Variants in POLA1 observed in about 807,000 individuals in gnomAD.
POLA1 encodes DNA polymerase alpha catalytic subunit.
A neutral mutation model predicts 124.0 loss-of-function variants in POLA1; 15 were observed. The ratio of observed to expected loss-of-function variants is 0.12; its 90% CI spans 0.08 to 0.19. POLA1 has a LOEUF of 0.19. Ranked by LOEUF, POLA1 falls within the 10% of genes least tolerant of loss-of-function variation. The pLI is 1.00. For synonymous variants in POLA1, 408 were observed against 389.4 expected, an observed-to-expected ratio of 1.05 and a Z score of -0.56; for missense variants, 886 against 1,103.4, an observed-to-expected ratio of 0.80 and a Z score of 2.79.
chrX:24,742,333 A>G (rs1416130320), intron 22 of POLA1, among the ~76,000 whole-genome samples: 2 of 112,413 alleles, frequency 1.8e-5, no homozygotes, highest in Non-Finnish European at 1.9e-5. Flanking sequence ...TGCAGACAAA[A>G]TTATTTGTGA....
At chrX:24,825,198 C>CT (rs1218583440) in intron 31 of POLA1, among the ~76,000 whole-genome samples, 2 of 112,482 alleles carry the variant, frequency 1.8e-5, no homozygotes, top group Admixed American at 1.9e-4. Flanking sequence ...TGCCTAATTC[C>CT]TTTTACTATG....
intron 34 of POLA1, among the ~76,000 whole-genome samples, chrX:24,845,730 T>C (rs1205637250): frequency 8.9e-6 from 1 of 112,235 alleles, no homozygotes; most frequent in Admixed American, 9.5e-5. Flanking sequence ...ATAGTAAGTA[T>C]TGAGGTTAAG....
chrX:24,745,351 TTAA>T (rs1931944252), intron 23 of POLA1, 64 bp from the exon 24 acceptor site: 1 of 813,938 alleles, frequency 1.2e-6, no homozygotes, highest in Non-Finnish European at 1.8e-6. Context: ...TACAGTGCTT[TTAA>T]TAATGATGTT....
intron 26 of POLA1, among the ~76,000 whole-genome samples, chrX:24,767,201 A>G (rs1057288247): frequency 1.2e-4 from 14 of 112,342 alleles, no homozygotes; most frequent in African/African-American, 4.5e-4. Flanking sequence ...TTTGCTGATA[A>G]ATTGAATCAC....
At chrX:24,984,654 C>CTTT (rs72426448) in intron 36 of POLA1, among the ~76,000 whole-genome samples, 1,080 of 78,674 alleles carry the variant, frequency 0.014, 40 homozygotes, top group African/African-American at 0.05. Flanking sequence ...ACCTTTTGCA[C>CTTT]TTTTTTTTTT....
intron 36 of POLA1, among the ~76,000 whole-genome samples, chrX:24,965,558 A>C (rs776193419): frequency 4.5e-5 from 5 of 112,196 alleles, no homozygotes; most frequent in Admixed American, 9.5e-5. Context: ...TGACAAATGA[A>C]TGAATGGATA....
chrX:24,949,847 G>A (rs928622399), intron 36 of POLA1, among the ~76,000 whole-genome samples: 37 of 107,727 alleles, frequency 3.4e-4, no homozygotes, highest in Non-Finnish European at 6.9e-4. Flanking sequence ...CGATTCTCCT[G>A]CCTCAGCCTC....
At chrX:24,712,438 C>T (rs932333763) in intron 4 of POLA1, among the ~76,000 whole-genome samples, 1 of 112,214 alleles carries the variant, frequency 8.9e-6, no homozygotes, top group Non-Finnish European at 1.9e-5. Flanking sequence ...TAAAACGTAA[C>T]TATTTATATA....
In POLA1 at chrX:24,702,149, A is replaced by G. The variant is rs534099328; in HGVS notation, c.169-1102A>G. Among the ~76,000 whole-genome samples the G allele has an allele frequency of 1.1e-4, 12 of 106,595 alleles. No individual in the cohort carries two copies. The South Asian group carries it at 4.6e-3, about 41-fold the overall frequency. 92.6% of individuals were successfully genotyped at this position (106,595 alleles called of 115,157 possible). A position where few individuals can be genotyped will look rare whatever the true frequency, so the allele number is the denominator to read the frequency against. On this transcript the variant is annotated intron_variant, in intron 2 of 36. Coordinates refer to ENST00000379068, the MANE Select transcript of POLA1 (RefSeq NM_001330360.2). ...GATCTCGGCTCACTGCATCACTGCA[A>G]CCTCCACCTCCCGGGTTCAAGTGAT...
In POLA1 at chrX:24,737,746, TA is replaced by T; in HGVS notation, c.2040+7del. ...TCCAACATGCCAAAGCTTGGGGTAA[TA>T]ATAATTTTCAAAATCTTATTTATCT... On this transcript the variant is annotated splice_donor_region_variant and intron_variant, in intron 19 of 36. Coordinates refer to ENST00000379068, the MANE Select transcript of POLA1 (RefSeq NM_001330360.2). 1 of 954,456 alleles carries T rather than the reference TA, an allele frequency of 1.0e-6. No individual in the cohort carries two copies. The highest frequency in any genetic ancestry group is 1.5e-6 in the Non-Finnish European group (1 of 676,267). The allele number at this position is 954,456 out of a possible 1,213,427, so 78.7% of individuals were successfully genotyped here. A position where few individuals can be genotyped will look rare whatever the true frequency, so the allele number is the denominator to read the frequency against.
At chrX:24,828,073 G>A (rs896126377) in intron 32 of POLA1, among the ~76,000 whole-genome samples, 1 of 112,405 alleles carries the variant, frequency 8.9e-6, no homozygotes, top group African/African-American at 3.2e-5. Context: ...CAAATATTAG[G>A]AAGATAAAAT....
At chrX:24,834,856 G>T (rs1230545012) in intron 32 of POLA1, among the ~76,000 whole-genome samples, 1 of 110,756 alleles carries the variant, frequency 9.0e-6, no homozygotes, top group Non-Finnish European at 1.9e-5. Context: ...TGGTAGTAGA[G>T]AATATAAAAT....
At chrX:24,710,076 G>A (rs1444884320) in intron 4 of POLA1, among the ~76,000 whole-genome samples, 1 of 104,240 alleles carries the variant, frequency 9.6e-6, no homozygotes, top group South Asian at 4.3e-4. Context: ...GGGCCCGTCC[G>A]CTCCTCCAGC....
intron 36 of POLA1, among the ~76,000 whole-genome samples, chrX:24,952,550 G>A (rs1463400311): frequency 1.8e-5 from 2 of 112,207 alleles, no homozygotes; most frequent in Non-Finnish European, 3.8e-5. Context: ...GAAAAAAAAA[G>A]CTACTTTTTT....
chrX:24,749,521 G>A (rs1462685228), intron 26 of POLA1, among the ~76,000 whole-genome samples: 3 of 111,818 alleles, frequency 2.7e-5, no homozygotes, highest in African/African-American at 6.5e-5. Context: ...ACATGAATGA[G>A]AATGACTTAA....
At position 24,936,179 on chromosome X, in the gene POLA1, T is replaced by C. The variant is rs974119765; in HGVS notation, c.4261+5630T>C. On this transcript the variant is annotated intron_variant, in intron 36 of 36. Coordinates refer to ENST00000379068, the MANE Select transcript of POLA1 (RefSeq NM_001330360.2). ...CCAAAACAAAGACAACAGCTAGTACTGAAAAGGGTCTTAAAAGGTAGTATT... is the reference window on the plus strand; with the variant it reads ...CCAAAACAAAGACAACAGCTAGTACCGAAAAGGGTCTTAAAAGGTAGTATT... Among the ~76,000 whole-genome samples, 3 of 112,260 alleles carry C rather than the reference T, an allele frequency of 2.7e-5. No homozygotes were observed. In the South Asian group the frequency reaches 1.1e-3, roughly 42 times the overall value.
Position 24,776,118 on chromosome X carries a change from T to G in POLA1, c.2964+27126T>G, listed in dbSNP as rs11573392. 9.9e-3 allele frequency among the ~76,000 whole-genome samples: 1,107 copies of G among 112,079 alleles called. 17 individuals carry two copies. Among genetic ancestry groups the G allele is most frequent in the African/African-American group, 0.034 (1,052 of 30,854 alleles). ...GAGTCCATAGTCCAAGCAGGTTTTA[T>G]CGTTTGTATTAAGTAACTTCAGCTG... On this transcript the variant is annotated intron_variant, in intron 26 of 36. Coordinates refer to ENST00000379068, the MANE Select transcript of POLA1 (RefSeq NM_001330360.2).
chrX:24,984,722 C>T (rs1009751291), intron 36 of POLA1, among the ~76,000 whole-genome samples: 2 of 99,283 alleles, frequency 2.0e-5, no homozygotes, highest in Non-Finnish European at 4.0e-5. Flanking sequence ...TGCAGTGGCG[C>T]GATCTCGGCT....
chrX:24,742,029 G>A lies in POLA1; in HGVS notation c.2374G>A (p.Glu792Lys). 8.3e-7 allele frequency: 1 copy of A among 1,201,667 alleles called. No individual in the cohort carries two copies. Among genetic ancestry groups the A allele is most frequent in the East Asian group, 3.0e-5 (1 of 33,659 alleles). Residue 792 changes from glutamate (E) to lysine (K), a missense_variant, in exon 22 of 37, where the codon GAG becomes AAG. Physicochemically the swap from Glu to Lys is moderately conservative, Grantham distance 56. This residue lies in a region of POLA1 where 182 missense variants were observed against 252.8 expected (regional missense o/e 0.72). Transcript: ENST00000379068. ...CAGGACGCTGATGGGTGGACGATCC[G>A]AGCGTAACGAGTTCTTGTTGCTTCA... ...MSRTLMGGRS[E>K]RNEFLLLHAF... is the part of the protein sequence containing the mutation.
Sources: gnomAD v4.1 joint callset for allele counts (sites outside exome capture counted in the v4.1 genomes callset) on GRCh38, gnomAD v4.1.1 for gene constraint, gnomAD v4.1.1 regional missense constraint, MANE v1.5 for transcripts, NCBI Gene and HGNC (gene_info 2026-07-23, HGNC 2026-07-21) for gene names.